Variants in DNMT3L observed in about 807,000 individuals in gnomAD.
DNMT3L encodes DNA methyltransferase 3 like.
DNMT3L carries 33 observed loss-of-function variants against 36.2 expected under a neutral mutation model. The ratio of observed to expected loss-of-function variants is 0.91; its 90% CI spans 0.69 to 1.22. DNMT3L has a LOEUF of 1.22. Ranked by LOEUF, DNMT3L falls within the 50% of genes most tolerant of loss-of-function variation. DNMT3L has a pLI of 0.00. For synonymous variants in DNMT3L, 117 were observed against 121.7 expected (o/e 0.96, Z 0.26); for missense variants, 310 against 303.1 (o/e 1.02, Z -0.17).
At chr21:44,261,414 A>C in intron 1 of DNMT3L, 148 bp from the exon 2 acceptor site, 1 of 695,106 alleles carries the variant, frequency 1.4e-6, no homozygotes, top group Non-Finnish European at 2.4e-6. Context: ...CACCTGCCCA[A>C]CCCAGGGATG....
intron 3 of DNMT3L, 77 bp from the exon 4 acceptor site, chr21:44,259,788 C>T (rs2040300473): frequency 4.1e-6 from 6 of 1,460,672 alleles, no homozygotes; most frequent in Middle Eastern, 1.7e-4. Context: ...TAAATTTAGC[C>T]AAACAAATAT....
chr21:44,255,149 G>A (rs2040247209), intron 7 of DNMT3L, among the ~76,000 whole-genome samples: 1 of 152,124 alleles, frequency 6.6e-6, no homozygotes, highest in Non-Finnish European at 1.5e-5. Flanking sequence ...TTTTAATGAC[G>A]TGGCAGGAGG....
At chr21:44,255,335 A>G (rs2040248440) in intron 7 of DNMT3L, among the ~76,000 whole-genome samples, 1 of 151,834 alleles carries the variant, frequency 6.6e-6, no homozygotes, top group Non-Finnish European at 1.5e-5. Context: ...AGCCTGGCCA[A>G]CATGGTGAAA....
chr21:44,255,554 G>C lies in DNMT3L; in HGVS notation c.604+513C>G, dbSNP rs530477656. Among the ~76,000 whole-genome samples the C allele has an allele frequency of 8.6e-5, 13 of 151,282 alleles. 1 individual carries two copies. In the South Asian group the frequency reaches 2.7e-3, roughly 32 times the overall value. ...CTGTATTACAGCACCAGGCATTTCT[G>C]GGATGCGATGTCACCTCTGGCTAGG... On this transcript the variant is annotated intron_variant, in intron 7 of 11. Coordinates refer to ENST00000628202, the MANE Select transcript of DNMT3L (RefSeq NM_175867.3).
rs967383417 is a variant in DNMT3L, at chr21:44,253,741, C to A, written c.693+876G>T. Among the ~76,000 whole-genome samples, 7 of 151,958 alleles carry A rather than the reference C, an allele frequency of 4.6e-5. No individual in the cohort carries two copies. In the East Asian group the frequency reaches 1.2e-3, roughly 25 times the overall value. On this transcript the variant is annotated intron_variant, in intron 8 of 11. Coordinates refer to ENST00000628202, the MANE Select transcript of DNMT3L (RefSeq NM_175867.3). ...CTCAAAAACAAAAAACAAAAAAGCC[C>A]CCCAAAACTTAAGATAGTCAAGTAT... is the stretch of plus-strand genomic sequence containing the variant.
chr21:44,255,218 T>G (rs987893268), intron 7 of DNMT3L, among the ~76,000 whole-genome samples: 1 of 152,068 alleles, frequency 6.6e-6, no homozygotes, highest in African/African-American at 2.4e-5. Flanking sequence ...TGCCAAGTAT[T>G]GATTTAAGAA....
At chr21:44,261,405 A>C in intron 1 of DNMT3L, 139 bp from the exon 2 acceptor site, 1 of 718,512 alleles carries the variant, frequency 1.4e-6, no homozygotes, top group South Asian at 1.7e-5. Flanking sequence ...GGTGACACCC[A>C]CCTGCCCAAC....
At chr21:44,254,081 G>A (rs978321306) in intron 8 of DNMT3L, among the ~76,000 whole-genome samples, 1 of 152,224 alleles carries the variant, frequency 6.6e-6, no homozygotes, top group African/African-American at 2.4e-5. Flanking sequence ...ACAGTGGCAT[G>A]GGAAGGCACC....
rs1167728809 is a variant in DNMT3L at position 44,261,153 on chromosome 21, C to T, written c.106+1G>A. On this transcript the variant is annotated splice_donor_variant, in intron 2 of 11. Coordinates refer to ENST00000628202, the MANE Select transcript of DNMT3L (RefSeq NM_175867.3). LOFTEE classifies it high-confidence loss of function. ...GGTCCAATAAGCAGATGAGCCCTCA[C>T]CTCTGCCTGTCCCGGGTGAAACGGA... is the stretch of plus-strand genomic sequence containing the variant. 6.2e-7 allele frequency: 1 copy of T among 1,612,656 alleles called. No homozygotes were observed.
intron 3 of DNMT3L, among the ~76,000 whole-genome samples, chr21:44,260,223 TGAGAGAAAGTC>T (rs2040305077): frequency 6.6e-6 from 1 of 152,008 alleles, no homozygotes; most frequent in Non-Finnish European, 1.5e-5. Flanking sequence ...AAACCCACGT[TGAGAGAAAGTC>T]GAGGAGTGGT....
intron 7 of DNMT3L, 113 bp downstream of exon 7, chr21:44,255,954 A>T: frequency 9.7e-7 from 1 of 1,029,688 alleles, no homozygotes; most frequent in Non-Finnish European, 1.4e-6. Context: ...ACAGGACATC[A>T]GCAGTTGGCC....
chr21:44,257,680 C>CAAAAAAAAAAAA (rs60313825), intron 6 of DNMT3L, among the ~76,000 whole-genome samples: 1 of 120,424 alleles, frequency 8.3e-6, no homozygotes, highest in Non-Finnish European at 1.8e-5. Flanking sequence ...GACTCCGTCT[C>CAAAAAAAAAAAA]AAAAAAAAAA....
intron 6 of DNMT3L, among the ~76,000 whole-genome samples, chr21:44,256,613 C>CAG (rs79768851): frequency 0.21 from 32,222 of 151,752 alleles, 4,679 homozygotes; most frequent in African/African-American, 0.41. Flanking sequence ...TTAGTAGAGA[C>CAG]AGTTTCACCA....
chr21:44,259,305 A>G, intron 5 of DNMT3L, 132 bp downstream of exon 5: 2 of 915,858 alleles, frequency 2.2e-6, no homozygotes, highest in South Asian at 1.6e-5. Flanking sequence ...GACGCATTGG[A>G]GACAGAAATC....
At chr21:44,259,303 G>A in intron 5 of DNMT3L, 134 bp downstream of exon 5, 1 of 905,062 alleles carries the variant, frequency 1.1e-6, no homozygotes. Flanking sequence ...ATGACGCATT[G>A]GAGACAGAAA....
In DNMT3L at chr21:44,258,115, A is replaced by G. The variant is rs2040279343; in HGVS notation, c.516+408T>C. Among the ~76,000 whole-genome samples the G allele has an allele frequency of 6.6e-6, 1 of 152,188 alleles. No homozygotes were observed. Among genetic ancestry groups the G allele is most frequent in the Admixed American group, 6.5e-5 (1 of 15,280 alleles). On this transcript the variant is annotated intron_variant, in intron 6 of 11. Coordinates refer to ENST00000628202, the MANE Select transcript of DNMT3L (RefSeq NM_175867.3). The surrounding 1 kb of genome is among the most constrained non-coding windows in gnomAD (Gnocchi z 6.2). ...GGATGGAGACTTGGATGTCCCTCTC[A>G]GAGGGACAAAATTCCACCTTCTCTG...
chr21:44,256,031 C>G, intron 7 of DNMT3L, 36 bp downstream of exon 7: 8 of 1,611,034 alleles, frequency 5.0e-6, no homozygotes, highest in Non-Finnish European at 1.7e-6. Flanking sequence ...TTAGAGGCAT[C>G]TTTCCATGTG....
At position 44,254,254 on chromosome 21, in the gene DNMT3L, G is replaced by C. The variant is rs140539152; in HGVS notation, c.693+363C>G. ...GTGGGGGTTCAGCCCCTCCTTGCCGGACAGCGCCCCATCACAGGCAGTGGA... is the reference window on the plus strand; with the variant it reads ...GTGGGGGTTCAGCCCCTCCTTGCCGCACAGCGCCCCATCACAGGCAGTGGA... On this transcript the variant is annotated intron_variant, in intron 8 of 11. Transcript: ENST00000628202. Among the ~76,000 whole-genome samples, 574 of 152,346 alleles carry C rather than the reference G, an allele frequency of 3.8e-3. 1 individual carries two copies. The highest frequency in any genetic ancestry group is 0.013 in the African/African-American group (546 of 41,578).
In DNMT3L at chr21:44,254,646, C is replaced by A; in HGVS notation, c.664G>T (p.Val222Phe). Reference sequence around the variant, plus strand: ...TTCCTCACTGTGTCTGTGACATCAACCACATGCTTCAGTTGTCCCGGGTCA... The same window carrying A: ...TTCCTCACTGTGTCTGTGACATCAAACACATGCTTCAGTTGTCCCGGGTCA... Reference protein sequence around the residue: ...GSDPGQLKHVVDVTDTVRKDV... With the variant: ...GSDPGQLKHVFDVTDTVRKDV... Residue 222 changes from valine (V) to phenylalanine (F), a missense_variant, in exon 8 of 12, where the codon GTT becomes TTT. Val to Phe is a conservative substitution (Grantham distance 50). Coordinates refer to ENST00000628202, the MANE Select transcript of DNMT3L (RefSeq NM_175867.3). 6.2e-7 allele frequency: 1 copy of A among 1,614,026 alleles called. No homozygotes were observed. Among genetic ancestry groups the A allele is most frequent in the Non-Finnish European group, 8.5e-7 (1 of 1,179,984 alleles).
Sources: allele counts gnomAD v4.1 joint callset (sites outside exome capture counted in the v4.1 genomes callset), GRCh38; gene constraint gnomAD v4.1.1; non-coding constraint Gnocchi (gnomAD v3.1); transcripts MANE v1.5; gene names NCBI Gene and HGNC (gene_info 2026-07-23, HGNC 2026-07-21).